Variants in NXN observed in about 807,000 individuals in gnomAD.
NXN encodes the protein nucleoredoxin.
Under a neutral mutation model 48.6 loss-of-function variants are expected in NXN, and 16 were observed. The ratio of observed to expected loss-of-function variants is 0.33; its 90% CI spans 0.22 to 0.50. NXN has a LOEUF of 0.50. Ranked by LOEUF, NXN falls within the 20% of genes least tolerant of loss-of-function variation. NXN has a pLI of 0.98. For missense variants in NXN, 492 were observed against 605.5 expected, an observed-to-expected ratio of 0.81 and a Z score of 1.97; for synonymous variants, 281 against 269.6, an observed-to-expected ratio of 1.04 and a Z score of -0.41.
intron 1 of NXN, among the ~76,000 whole-genome samples, chr17:871,157 GGCTATGCTTTTAT>G (rs1434553750): frequency 6.6e-6 from 1 of 151,702 alleles, no homozygotes; most frequent in African/African-American, 2.4e-5. Context: ...CACCGTGCCC[GGCTATGCTTTTAT>G]TTTAAGCACG....
At chr17:845,200 T>G (rs1272103864) in intron 1 of NXN, among the ~76,000 whole-genome samples, 2 of 64,746 alleles carry the variant, frequency 3.1e-5, no homozygotes, top group Non-Finnish European at 5.6e-5. Context: ...TCCACCCTTC[T>G]AGAGAGAATT....
chr17:841,648 C>CGG (rs1914307098), intron 1 of NXN, among the ~76,000 whole-genome samples: 10 of 136,514 alleles, frequency 7.3e-5, no homozygotes, highest in African/African-American at 8.7e-5. Flanking sequence ...ACCCTGACCA[C>CGG]AGCGCATCTC....
At chr17:927,185 C>T (rs1001763114) in intron 1 of NXN, among the ~76,000 whole-genome samples, 6 of 151,612 alleles carry the variant, frequency 4.0e-5, no homozygotes, top group Admixed American at 6.6e-5. Flanking sequence ...TGGTGGCAGG[C>T]GCCTGTAGAC....
At chr17:908,920 G>A (rs1378489482) in intron 1 of NXN, among the ~76,000 whole-genome samples, 1 of 152,044 alleles carries the variant, frequency 6.6e-6, no homozygotes, top group African/African-American at 2.4e-5. Flanking sequence ...TGGCCAACAT[G>A]GTGAAACCCC....
Position 903,527 on chromosome 17 carries a change from C to T in NXN, c.360+75792G>A, listed in dbSNP as rs150147319. Among the ~76,000 whole-genome samples the T allele has an allele frequency of 6.7e-4, 102 of 152,212 alleles. 1 individual carries two copies. In the South Asian group the frequency reaches 7.9e-3, roughly 12 times the overall value. On this transcript the variant is annotated intron_variant, in intron 1 of 7. Coordinates refer to ENST00000336868, the MANE Select transcript of NXN (RefSeq NM_022463.5). ...CCTCCTGAGTAGCTGGGACTACAGG[C>T]GTGCGCTACCACACCCAGCTAACTT...
intron 1 of NXN, among the ~76,000 whole-genome samples, chr17:838,888 T>G (rs937395977): frequency 1.3e-5 from 2 of 152,154 alleles, no homozygotes; most frequent in Admixed American, 6.5e-5. Context: ...GTCAGTGAAA[T>G]CTTCAGTCGA....
intron 1 of NXN, among the ~76,000 whole-genome samples, chr17:916,081 T>G (rs2068686255): frequency 6.6e-6 from 1 of 152,182 alleles, no homozygotes; most frequent in South Asian, 2.1e-4. Flanking sequence ...TACTCAAATG[T>G]CGAATGAAAA....
intron 1 of NXN, among the ~76,000 whole-genome samples, chr17:868,987 C>T (rs181280992): frequency 2.9e-3 from 437 of 152,264 alleles, no homozygotes; most frequent in African/African-American, 0.01. Context: ...GTTGGAGCTT[C>T]CCAGGGCCCC....
At chr17:934,272 T>C (rs7210386) in intron 1 of NXN, among the ~76,000 whole-genome samples, 91,486 of 151,268 alleles carry the variant, frequency 0.6, 29,087 homozygotes, top group East Asian at 0.94. Context: ...GGTGAAACCC[T>C]GTCTCTACTA....
At position 853,896 on chromosome 17, in the gene NXN, A is replaced by G. The variant is rs374349487; in HGVS notation, c.361-27818T>C. ...CCGCCACCACACGGCTAAGTTTTGC[A>G]TTTTTATTAGACACGGGGTTTCTCC... On this transcript the variant is annotated intron_variant, in intron 1 of 7. Coordinates refer to ENST00000336868, the MANE Select transcript of NXN (RefSeq NM_022463.5). Among the ~76,000 whole-genome samples, 10 of 151,300 alleles carry G rather than the reference A, an allele frequency of 6.6e-5. No homozygotes were observed. In the East Asian group the frequency reaches 9.8e-4, roughly 15 times the overall value.
At chr17:940,649 C>T (rs1247146550) in intron 1 of NXN, among the ~76,000 whole-genome samples, 41 of 151,486 alleles carry the variant, frequency 2.7e-4, no homozygotes, top group African/African-American at 9.2e-4. Flanking sequence ...CAGCCATGAA[C>T]TCACATCACA....
chr17:964,455 G>A (rs1490670127), intron 1 of NXN, among the ~76,000 whole-genome samples: 2 of 152,322 alleles, frequency 1.3e-5, no homozygotes, highest in Non-Finnish European at 1.5e-5. Context: ...CCAAATGAAA[G>A]AGAATATGTT....
At chr17:968,341 G>A (rs1056911050) in intron 1 of NXN, among the ~76,000 whole-genome samples, 1 of 152,206 alleles carries the variant, frequency 6.6e-6, no homozygotes, top group Non-Finnish European at 1.5e-5. Flanking sequence ...AAAAGAGGGT[G>A]CGGGATCCAT....
intron 1 of NXN, among the ~76,000 whole-genome samples, chr17:907,276 G>A (rs1175616291): frequency 6.6e-6 from 1 of 151,960 alleles, no homozygotes; most frequent in Non-Finnish European, 1.5e-5. Flanking sequence ...CGAATTACCT[G>A]TGAATTTAGG....
chr17:917,774 C>G lies in NXN; in HGVS notation c.360+61545G>C, dbSNP rs2068703432. 6.6e-6 allele frequency among the ~76,000 whole-genome samples: 1 copy of G among 152,154 alleles called. No homozygotes were observed. Among genetic ancestry groups the G allele is most frequent in the African/African-American group, 2.4e-5 (1 of 41,436 alleles). On this transcript the variant is annotated intron_variant, in intron 1 of 7. Coordinates refer to ENST00000336868, the MANE Select transcript of NXN (RefSeq NM_022463.5). The surrounding 1 kb of genome is among the most constrained non-coding windows in gnomAD (Gnocchi z 4.5). ...TGGCACAACAGGCGGGCGTGGCTCTCGCTCCCCAGGAAGGCCTCGCAGAGG... is the reference window on the plus strand; with the variant it reads ...TGGCACAACAGGCGGGCGTGGCTCTGGCTCCCCAGGAAGGCCTCGCAGAGG...
At chr17:949,932 G>A (rs537643961) in intron 1 of NXN, among the ~76,000 whole-genome samples, 15 of 152,034 alleles carry the variant, frequency 9.9e-5, no homozygotes, top group Non-Finnish European at 1.2e-4. Context: ...GCAGCTTCTC[G>A]GGGGCTAACG....
intron 1 of NXN, among the ~76,000 whole-genome samples, chr17:967,091 T>G (rs1054346992): frequency 1.5e-4 from 23 of 152,052 alleles, no homozygotes; most frequent in Admixed American, 7.9e-4. Flanking sequence ...ACACCCTGAT[T>G]TTTCTTGACA....
chr17:909,217 G>T (rs920146005), intron 1 of NXN, among the ~76,000 whole-genome samples: 3 of 149,378 alleles, frequency 2.0e-5, no homozygotes, highest in Non-Finnish European at 4.4e-5. Context: ...GATTAAACAA[G>T]AAACATCTTG....
intron 1 of NXN, among the ~76,000 whole-genome samples, chr17:960,711 C>G (rs921809461): frequency 6.6e-6 from 1 of 151,930 alleles, no homozygotes; most frequent in East Asian, 1.9e-4. Context: ...CTCCTGGGCT[C>G]GAGTGATCCT....
Sources: gnomAD v4.1 joint callset for allele counts (sites outside exome capture counted in the v4.1 genomes callset) on GRCh38, gnomAD v4.1.1 for gene constraint, Gnocchi (gnomAD v3.1) non-coding constraint, MANE v1.5 for transcripts, NCBI Gene and HGNC (gene_info 2026-07-23, HGNC 2026-07-21) for gene names.